The following FAM50B variants were observed in gnomAD, a reference collection of about 807,000 sequenced individuals.
FAM50B encodes the protein protein FAM50B.
In FAM50B, 9 loss-of-function variants were observed where a neutral mutation model predicts 25.4. The ratio of observed to expected loss-of-function variants is 0.35; its 90% CI spans 0.21 to 0.62. The LOEUF (loss-of-function observed/expected upper bound fraction) is 0.62. FAM50B is among the 20% of genes least tolerant of loss of function. The pLI is 0.73. For missense variants in FAM50B, 372 were observed against 477.9 expected (o/e 0.78, Z 2.07); for synonymous variants, 212 against 204.3 (o/e 1.04, Z -0.32).
At chr6:3,835,115 G>A in the FAM50B span, among the ~76,000 whole-genome samples, 3 of 152,220 alleles carry the variant, frequency 2.0e-5, no homozygotes, top group Non-Finnish European at 4.4e-5. Flanking sequence ...CTGCATGTCA[G>A]TGAAGTGTCC....
In FAM50B at chr6:3,851,097, A is replaced by G. The variant is rs1156292427; in HGVS notation, c.*308A>G. 1.6e-5 allele frequency: 6 copies of G among 366,556 alleles called. No individual in the cohort carries two copies. Among genetic ancestry groups the G allele is most frequent in the Non-Finnish European group, 3.2e-5 (6 of 189,898 alleles). 22.7% of individuals were successfully genotyped at this position (366,556 alleles called of 1,614,324 possible). A position where few individuals can be genotyped will look rare whatever the true frequency, so the allele number is the denominator to read the frequency against. On this transcript the variant is annotated 3_prime_UTR_variant, in exon 2 of 2. Coordinates refer to ENST00000648326, the MANE Select transcript of FAM50B (RefSeq NM_012135.3). ...GAGGCACATTTTTTACCTGGTGGTT[A>G]TGAGCATGGACTTGGGGGCCACAGT...
At chr6:3,840,139 C>A in the FAM50B span, among the ~76,000 whole-genome samples, 1 of 152,114 alleles carries the variant, frequency 6.6e-6, no homozygotes, top group Non-Finnish European at 1.5e-5. Flanking sequence ...ACTACAGGCG[C>A]ACACCACCAT....
At chr6:3,839,358 C>A in the FAM50B span, among the ~76,000 whole-genome samples, 1 of 152,144 alleles carries the variant, frequency 6.6e-6, no homozygotes, top group Non-Finnish European at 1.5e-5. Context: ...GATCCACCCC[C>A]ACAGCCCAAA....
intron 1 of FAM50B, 55 bp downstream of exon 1, chr6:3,849,541 C>T: frequency 6.1e-6 from 3 of 488,544 alleles, no homozygotes; most frequent in East Asian, 3.7e-5. Flanking sequence ...CCAAATTCAG[C>T]GCTGCGCTCA....
At chr6:3,839,229 C>T in the FAM50B span, among the ~76,000 whole-genome samples, 6 of 151,618 alleles carry the variant, frequency 4.0e-5, no homozygotes, top group East Asian at 3.9e-4. Flanking sequence ...TGAGGGGGGA[C>T]GCAAAAGGAG....
At chr6:3,835,904 C>T in the FAM50B span, among the ~76,000 whole-genome samples, 2 of 152,176 alleles carry the variant, frequency 1.3e-5, no homozygotes, top group Admixed American at 6.5e-5. Context: ...TTTCCAGCTG[C>T]AGGATTCCAG....
At chr6:3,846,588 AC>A (rs1234979693), upstream of FAM50B, among the ~76,000 whole-genome samples, 1 of 152,148 alleles carries the variant, frequency 6.6e-6, no homozygotes, top group Non-Finnish European at 1.5e-5. Flanking sequence ...GATTGATTCT[AC>A]CTTTCACGAA....
At chr6:3,849,367 G>T (rs1413781242), upstream of FAM50B, 1 of 157,250 alleles carries the variant, frequency 6.4e-6, no homozygotes, top group Admixed American at 6.3e-5. Flanking sequence ...GGGGCGCACC[G>T]CCTCCACTTC....
the FAM50B span, among the ~76,000 whole-genome samples, chr6:3,841,040 TTTC>T: frequency 6.6e-6 from 1 of 152,228 alleles, no homozygotes; most frequent in Non-Finnish European, 1.5e-5. Context: ...CTTTTGTGGA[TTTC>T]TTACCACAAT....
chr6:3,833,307 A>G, the FAM50B span, among the ~76,000 whole-genome samples: 111 of 152,348 alleles, frequency 7.3e-4, no homozygotes, highest in African/African-American at 2.5e-3. Flanking sequence ...CCTCGCTACC[A>G]ACTAGATGAG....
At chr6:3,834,881 T>A in the FAM50B span, among the ~76,000 whole-genome samples, 2 of 152,220 alleles carry the variant, frequency 1.3e-5, no homozygotes, top group Non-Finnish European at 2.9e-5. Context: ...ATATTAAAAT[T>A]AACATATGCA....
chr6:3,842,752 CATA>C, the FAM50B span, among the ~76,000 whole-genome samples: 1 of 152,176 alleles, frequency 6.6e-6, no homozygotes, highest in Non-Finnish European at 1.5e-5. Flanking sequence ...GAAAACACCC[CATA>C]ATTTTATTTT....
At chr6:3,832,450 C>A in the FAM50B span, among the ~76,000 whole-genome samples, 1 of 152,232 alleles carries the variant, frequency 6.6e-6, no homozygotes, top group African/African-American at 2.4e-5. Flanking sequence ...TGAACAGTTC[C>A]ATCCAACCAG....
chr6:3,844,708 C>A (rs374355385), upstream of FAM50B, among the ~76,000 whole-genome samples: 50 of 151,850 alleles, frequency 3.3e-4, 1 homozygote, highest in African/African-American at 1.2e-3. Flanking sequence ...AGCCAGACTC[C>A]GTCTCAAAAA....
chr6:3,849,961 G>A lies in FAM50B; in HGVS notation c.150G>A (p.Ser50=), dbSNP rs1045601678. The change falls in exon 2 of 2, where the codon TCG becomes TCA. Residue 50 remains serine, a synonymous_variant. Transcript: ENST00000648326. ...AGTCGCAGGTGGACAAGAGGTTCTCGGCGCATTACGACGCCGTGGAGGCCG... is the reference window on the plus strand; with the variant it reads ...AGTCGCAGGTGGACAAGAGGTTCTCAGCGCATTACGACGCCGTGGAGGCCG... The part of the protein sequence containing the change: ...ILKSQVDKRF[S]AHYDAVEAEL... The A allele has an allele frequency of 1.2e-6, 2 of 1,613,946 alleles. No individual in the cohort carries two copies. Among genetic ancestry groups the A allele is most frequent in the East Asian group, 2.2e-5 (1 of 44,864 alleles).
At chr6:3,836,451 C>T in the FAM50B span, among the ~76,000 whole-genome samples, 2 of 152,208 alleles carry the variant, frequency 1.3e-5, no homozygotes. Context: ...CCCCTGGAAT[C>T]TCAGTATCCT....
the FAM50B span, among the ~76,000 whole-genome samples, chr6:3,841,970 G>A: frequency 4.3e-3 from 652 of 152,314 alleles, 7 homozygotes; most frequent in African/African-American, 0.015. Flanking sequence ...TGTGCACTGT[G>A]GCCATCCCTG....
At chr6:3,840,252 C>A in the FAM50B span, among the ~76,000 whole-genome samples, 2 of 152,140 alleles carry the variant, frequency 1.3e-5, no homozygotes, top group Non-Finnish European at 2.9e-5. Flanking sequence ...CTGGGCCTCC[C>A]AAAGTGCTGG....
rs1316872839 is a variant in FAM50B, at chr6:3,851,063, TTAGAA to T, written c.*278_*282del. 2.2e-6 allele frequency: 1 copy of T among 461,404 alleles called. No individual in the cohort carries two copies. The highest frequency in any genetic ancestry group is 4.0e-5 in the Admixed American group (1 of 25,182). The allele number at this position is 461,404 out of a possible 1,614,324, so 28.6% of individuals were successfully genotyped here. On this transcript the variant is annotated 3_prime_UTR_variant, in exon 2 of 2. Coordinates refer to ENST00000648326, the MANE Select transcript of FAM50B (RefSeq NM_012135.3). The stretch of plus-strand genomic sequence containing the variant: ...GACTGGGCCCACTGTCAGACAGAAA[TTAGAA>T]TAGGAGGCACATTTTTTACCTGGTG...
Sources: allele counts gnomAD v4.1 joint callset (sites outside exome capture counted in the v4.1 genomes callset), GRCh38; gene constraint gnomAD v4.1.1; transcripts MANE v1.5; gene names NCBI Gene and HGNC (gene_info 2026-07-23, HGNC 2026-07-21).